The following NUP210 variants were observed in gnomAD, a reference collection of about 807,000 sequenced individuals.
NUP210 encodes nuclear pore membrane glycoprotein 210.
NUP210 carries 151 observed loss-of-function variants against 196.0 expected under a neutral mutation model. The ratio of observed to expected loss-of-function variants is 0.77; its 90% confidence interval spans 0.67 to 0.88. The LOEUF (loss-of-function observed/expected upper bound fraction) is 0.88, where lower values mean the gene tolerates loss of function less well. Ranked by LOEUF, NUP210 falls within the 40% of genes least tolerant of loss-of-function variation. The probability of loss-of-function intolerance (pLI) is 0.00; values close to 1 mark genes in which losing one functional copy is unlikely to be tolerated. For missense variants in NUP210, 2,314 were observed against 2,493.7 expected (o/e 0.93, Z 1.53); for synonymous variants, 1,070 against 1,052.7 (o/e 1.02, Z -0.32).
intron 1 of NUP210, among the ~76,000 whole-genome samples, chr3:13,410,481 A>G (rs1700133192): frequency 6.6e-6 from 1 of 150,490 alleles, no homozygotes; most frequent in Non-Finnish European, 1.5e-5. Context: ...CCTGGCCAAT[A>G]CTGATTTTTA....
chr3:13,372,368 T>C (rs888250278), intron 12 of NUP210, among the ~76,000 whole-genome samples: 5 of 152,132 alleles, frequency 3.3e-5, no homozygotes, highest in Non-Finnish European at 7.4e-5. Context: ...AAGTGCACTG[T>C]GCAGGGGCAG....
chr3:13,381,894 C>T (rs904230381), intron 6 of NUP210, among the ~76,000 whole-genome samples: 9 of 152,036 alleles, frequency 5.9e-5, no homozygotes, highest in African/African-American at 2.2e-4. Context: ...CCAGGGATGA[C>T]CATGGAGCTC....
At position 13,389,160 on chromosome 3, in the gene NUP210, C is replaced by T. The variant is rs1359326003; in HGVS notation, c.534-707G>A. On this transcript the variant is annotated intron_variant, in intron 4 of 39. Coordinates refer to ENST00000254508, the MANE Select transcript of NUP210 (RefSeq NM_024923.4). ...GCCGCACTGTGATTTATTTCCTCGC[C>T]TGGTTACTCTAGGTGTCACACGCCA... Among the ~76,000 whole-genome samples, 3 of 152,248 alleles carry T rather than the reference C, an allele frequency of 2.0e-5. 1 individual carries two copies. The highest frequency in any genetic ancestry group is 2.0e-4 in the Admixed American group (3 of 15,284).
chr3:13,335,589 C>T lies in NUP210; in HGVS notation c.3708G>A (p.Gln1236=). The change falls in exon 28 of 40, where the codon CAG becomes CAA. Residue 1236 remains glutamine (Q), a synonymous_variant. Transcript: ENST00000254508. ...HHEASIRLPS[Q]YNFAMNVLGR... is the part of the protein sequence containing the mutation. ...CGAGCACGTTCATGGCAAAGTTGTA[C>T]TGTGACGGGAGTCGGATCGACGCCT... is the stretch of plus-strand genomic sequence containing the variant. The T allele has an allele frequency of 6.2e-7, 1 of 1,614,116 alleles. No individual in the cohort carries two copies. Among genetic ancestry groups the T allele is most frequent in the Non-Finnish European group, 8.5e-7 (1 of 1,180,038 alleles).
At chr3:13,341,928 G>A in intron 22 of NUP210, 45 bp from the exon 23 acceptor site, 1 of 1,613,454 alleles carries the variant, frequency 6.2e-7, no homozygotes, top group Non-Finnish European at 8.5e-7. Context: ...ACCACCCCGT[G>A]GGAAAGGCTG....
chr3:13,386,202 G>T, intron 6 of NUP210, 73 bp downstream of exon 6: 4 of 1,530,068 alleles, frequency 2.6e-6, no homozygotes, highest in Non-Finnish European at 3.5e-6. Flanking sequence ...GGTAAATTTT[G>T]TTACATGTAT....
chr3:13,407,574 C>T (rs1403727327), intron 1 of NUP210, among the ~76,000 whole-genome samples: 1 of 152,156 alleles, frequency 6.6e-6, no homozygotes. Context: ...CTGCCTCCCA[C>T]TCCTCCCTCC....
intron 5 of NUP210, 113 bp from the exon 6 acceptor site, chr3:13,386,520 A>C: frequency 7.5e-7 from 1 of 1,331,616 alleles, no homozygotes; most frequent in Non-Finnish European, 1.0e-6. Flanking sequence ...GTTAAGAGGA[A>C]AGAAACAAGA....
chr3:13,340,287 C>A lies in NUP210; in HGVS notation c.3240G>T (p.Pro1080=). Residue 1080 remains proline (P), a synonymous_variant, in exon 24 of 40, where the codon CCG becomes CCT. Coordinates refer to ENST00000254508, the MANE Select transcript of NUP210 (RefSeq NM_024923.4). This position sits in a 1 kb window ranked among gnomAD's most constrained non-coding sequence, Gnocchi z 4.0. The stretch of plus-strand genomic sequence containing the variant: ...TCACCTTCCTGGGCATCAGCCTGAA[C>A]GGGGGAAAGACCTGTTGAGAGACAC... ...SAPQQIEVFP[P]FRLMPRKVTL... 6.2e-7 allele frequency: 1 copy of A among 1,613,380 alleles called. No homozygotes were observed. Among genetic ancestry groups the A allele is most frequent in the African/African-American group, 1.3e-5 (1 of 75,040 alleles).
At chr3:13,390,222 G>A (rs999206815) in intron 4 of NUP210, among the ~76,000 whole-genome samples, 2 of 152,158 alleles carry the variant, frequency 1.3e-5, no homozygotes, top group Admixed American at 1.3e-4. Flanking sequence ...CAGGGTGACG[G>A]GACATGAGGC....
intron 4 of NUP210, among the ~76,000 whole-genome samples, chr3:13,389,420 C>G (rs1032779584): frequency 6.6e-6 from 1 of 152,140 alleles, no homozygotes; most frequent in African/African-American, 2.4e-5. Context: ...GAGGCAGGCA[C>G]GGGATTCCCT....
rs1320208092 is a variant in NUP210 at position 13,377,561 on chromosome 3, C to G, written c.1047G>C (p.Gly349=). The change falls in exon 9 of 40, where the codon GGG becomes GGC. Residue 349 remains glycine (G), a splice_region_variant and synonymous_variant. Coordinates refer to ENST00000254508, the MANE Select transcript of NUP210 (RefSeq NM_024923.4). ...ACCTGTCACCAGGGTGAACAGTGAA[C>G]CCTAAAACAGGCAGAGGGAGCCTGA... ...TIYVVEPGYL[G]FTVHPGDRWV... 1 of 1,612,696 alleles carries G rather than the reference C, an allele frequency of 6.2e-7. No homozygotes were observed. The highest frequency in any genetic ancestry group is 2.2e-5 in the East Asian group (1 of 44,838).
intron 30 of NUP210, among the ~76,000 whole-genome samples, chr3:13,329,994 T>TCACGTACTGGATGG (rs1484145799): frequency 6.6e-6 from 1 of 152,244 alleles, no homozygotes; most frequent in African/African-American, 2.4e-5. Flanking sequence ...ACAGTGGATG[T>TCACGTACTGGATGG]CACGTACTGG....
intron 26 of NUP210, among the ~76,000 whole-genome samples, 156 bp downstream of exon 26, chr3:13,337,681 T>A (rs939796594): frequency 6.6e-6 from 1 of 151,816 alleles, no homozygotes; most frequent in South Asian, 2.1e-4. Context: ...CAGAGAGCAA[T>A]GGAGGGTGTC....
In NUP210 at chr3:13,336,861, C is replaced by T. The variant is rs1169724753; in HGVS notation, c.3610G>A (p.Ala1204Thr). The part of the protein sequence containing the change: ...NHQNPFSFGN[A>T]VPGLTFHWSV... ...CAGTGGAAGGTCAGGCCTGGCACGG[C>T]ATTGCCAAAGGAGAAAGGGTTCTGG... The change falls in exon 27 of 40, where the codon GCC becomes ACC. Residue 1204 changes from alanine (A) to threonine (T), a missense_variant. Coordinates refer to ENST00000254508, the MANE Select transcript of NUP210 (RefSeq NM_024923.4). 6.2e-7 allele frequency: 1 copy of T among 1,613,916 alleles called. No homozygotes were observed. The highest frequency in any genetic ancestry group is 1.3e-5 in the African/African-American group (1 of 75,042).
intron 3 of NUP210, among the ~76,000 whole-genome samples, chr3:13,396,464 C>T (rs1223445485): frequency 2.0e-5 from 3 of 151,918 alleles, no homozygotes; most frequent in Non-Finnish European, 4.4e-5. Flanking sequence ...GTTTCCCTTA[C>T]TGGCCAGGTG....
At position 13,360,254 on chromosome 3, in the gene NUP210, G is replaced by A. The variant is rs370756903; in HGVS notation, c.2154+16C>T. 7.5e-6 allele frequency: 12 copies of A among 1,606,192 alleles called. No individual in the cohort carries two copies. In the African/African-American group the frequency reaches 1.6e-4, roughly 21 times the overall value. ...TGCCTTAGGGCAAGGAGGGTCTGGAGCAGCTGCCCACTCACCTGCTCACCC... is the reference window on the plus strand; with the variant it reads ...TGCCTTAGGGCAAGGAGGGTCTGGAACAGCTGCCCACTCACCTGCTCACCC... On this transcript the variant is annotated intron_variant, in intron 15 of 39. Coordinates refer to ENST00000254508, the MANE Select transcript of NUP210 (RefSeq NM_024923.4).
chr3:13,395,466 C>T (rs574751763), intron 3 of NUP210, among the ~76,000 whole-genome samples: 28 of 152,220 alleles, frequency 1.8e-4, no homozygotes, highest in Middle Eastern at 3.4e-3. Context: ...TACAGGTGTG[C>T]GCCACCACGC....
At chr3:13,370,816 C>G (rs998777063) in intron 13 of NUP210, among the ~76,000 whole-genome samples, 1 of 152,356 alleles carries the variant, frequency 6.6e-6, no homozygotes, top group East Asian at 1.9e-4. Context: ...CACAGGCGAT[C>G]CTACAAACAC....
Sources: gnomAD v4.1 joint callset for allele counts (sites outside exome capture counted in the v4.1 genomes callset) on GRCh38, gnomAD v4.1.1 for gene constraint, Gnocchi (gnomAD v3.1) non-coding constraint, MANE v1.5 for transcripts, NCBI Gene and HGNC (gene_info 2026-07-23, HGNC 2026-07-21) for gene names.